MAP7: variants seen among roughly 807,000 people sequenced by gnomAD.
MAP7 encodes microtubule associated protein 7, also known as ensconsin.
In MAP7, 52 loss-of-function variants were observed where a neutral mutation model predicts 94.8. The ratio of observed to expected loss-of-function variants is 0.55; its 90% CI spans 0.44 to 0.69. The LOEUF (loss-of-function observed/expected upper bound fraction) is 0.69. MAP7 is among the 30% of genes least tolerant of loss of function. The probability of loss-of-function intolerance (pLI) is 0.00; values close to 1 mark genes in which losing one functional copy is unlikely to be tolerated. For synonymous variants in MAP7, 350 were observed against 357.0 expected, an observed-to-expected ratio of 0.98 and a Z score of 0.22; for missense variants, 940 against 964.6, an observed-to-expected ratio of 0.97 and a Z score of 0.34.
chr6:136,468,172 C>T (rs1807745635), intron 1 of MAP7, among the ~76,000 whole-genome samples: 1 of 152,158 alleles, frequency 6.6e-6, no homozygotes, highest in Non-Finnish European at 1.5e-5. Flanking sequence ...GTGCATGGCT[C>T]CTTACCTTGG....
chr6:136,398,381 G>C (rs764816818), intron 3 of MAP7, among the ~76,000 whole-genome samples: 20 of 152,192 alleles, frequency 1.3e-4, no homozygotes, highest in Non-Finnish European at 2.6e-4. Context: ...ACATTGCAGG[G>C]ATTCAATAAA....
chr6:136,521,223 G>A (rs1826319537), intron 1 of MAP7, among the ~76,000 whole-genome samples: 1 of 152,126 alleles, frequency 6.6e-6, no homozygotes, highest in African/African-American at 2.4e-5. Context: ...ACACCTGCAG[G>A]GGACAAATAA....
At chr6:136,423,870 A>T (rs1792293157) in intron 1 of MAP7, among the ~76,000 whole-genome samples, 1 of 150,980 alleles carries the variant, frequency 6.6e-6, no homozygotes, top group East Asian at 1.9e-4. Flanking sequence ...ATCTTGGCTC[A>T]CCGGCAACCC....
intron 3 of MAP7, 92 bp downstream of exon 3, chr6:136,411,528 C>T: frequency 9.6e-7 from 1 of 1,040,796 alleles, no homozygotes; most frequent in South Asian, 1.5e-5. Flanking sequence ...GCCTCATAGT[C>T]CATCTGTAAA....
intron 1 of MAP7, among the ~76,000 whole-genome samples, chr6:136,468,228 C>T (rs557494632): frequency 1.4e-4 from 22 of 152,198 alleles, no homozygotes; most frequent in South Asian, 2.1e-4. Flanking sequence ...TGGTACTGAT[C>T]CTGACATTAT....
At chr6:136,462,005 G>A (rs543548842) in intron 1 of MAP7, among the ~76,000 whole-genome samples, 1 of 151,964 alleles carries the variant, frequency 6.6e-6, no homozygotes, top group South Asian at 2.1e-4. Flanking sequence ...TCACCTTAAG[G>A]CTCTGATTAA....
intron 1 of MAP7, among the ~76,000 whole-genome samples, chr6:136,532,893 A>G (rs980243542): frequency 1.3e-5 from 2 of 152,196 alleles, no homozygotes; most frequent in Admixed American, 1.3e-4. Flanking sequence ...AAACAACTGA[A>G]CCTTCTCCAG....
chr6:136,505,459 T>C (rs1821250175), intron 1 of MAP7, among the ~76,000 whole-genome samples: 1 of 151,560 alleles, frequency 6.6e-6, no homozygotes, highest in Non-Finnish European at 1.5e-5. Flanking sequence ...AAAAGTACTG[T>C]TTGCCTCACA....
intron 3 of MAP7, among the ~76,000 whole-genome samples, chr6:136,394,587 ATCT>A (rs1406305440): frequency 6.6e-6 from 1 of 151,892 alleles, no homozygotes; most frequent in African/African-American, 2.4e-5. Flanking sequence ...AACATTTCAA[ATCT>A]TCTCTTATAG....
chr6:136,461,414 T>C (rs367671257), intron 1 of MAP7, among the ~76,000 whole-genome samples: 6 of 152,234 alleles, frequency 3.9e-5, no homozygotes, highest in East Asian at 1.9e-4. Context: ...TAAAACATTA[T>C]ATAAAAATGT....
intron 16 of MAP7, among the ~76,000 whole-genome samples, chr6:136,351,051 G>A (rs187094081): frequency 7.9e-5 from 12 of 152,022 alleles, no homozygotes; most frequent in Non-Finnish European, 1.3e-4. Context: ...ATAGCCCCTC[G>A]AGAAAACAGG....
intron 1 of MAP7, among the ~76,000 whole-genome samples, chr6:136,549,658 A>T (rs2129064384): frequency 6.6e-6 from 1 of 152,312 alleles, no homozygotes; most frequent in East Asian, 1.9e-4. Context: ...GGGCTCCTGC[A>T]CAGACTAAAA....
At chr6:136,414,169 C>T (rs1485990733) in intron 2 of MAP7, among the ~76,000 whole-genome samples, 11 of 136,530 alleles carry the variant, frequency 8.1e-5, no homozygotes, top group African/African-American at 3.0e-4. Context: ...AGGAGAATGG[C>T]GTGAACCCGG....
intron 1 of MAP7, among the ~76,000 whole-genome samples, chr6:136,456,849 G>A (rs7740513): frequency 0.22 from 15,055 of 69,144 alleles, 3,436 homozygotes; most frequent in South Asian, 0.46. Context: ...AAGAAGAAGA[G>A]GAAGAAGAAG....
chr6:136,366,481 G>C (rs757004839), intron 8 of MAP7, 42 bp from the exon 9 acceptor site: 2 of 1,345,420 alleles, frequency 1.5e-6, no homozygotes, highest in South Asian at 2.3e-5. Flanking sequence ...TTCCACAAGC[G>C]AGGCAAACAC....
At chr6:136,546,777 C>T (rs144305451) in intron 1 of MAP7, among the ~76,000 whole-genome samples, 2 of 152,242 alleles carry the variant, frequency 1.3e-5, no homozygotes, top group African/African-American at 4.8e-5. Context: ...CAATACGAGG[C>T]CCGAGTTTTT....
At chr6:136,515,684 G>T (rs770090949) in intron 1 of MAP7, among the ~76,000 whole-genome samples, 1 of 152,164 alleles carries the variant, frequency 6.6e-6, no homozygotes, top group Admixed American at 6.5e-5. Flanking sequence ...CACAATATTT[G>T]TTAAGTTTGC....
chr6:136,533,241 C>T (rs930261791), intron 1 of MAP7, among the ~76,000 whole-genome samples: 1 of 152,182 alleles, frequency 6.6e-6, no homozygotes, highest in Non-Finnish European at 1.5e-5. Context: ...CATTGCACTC[C>T]AGCCTGGGCA....
chr6:136,423,580 T>G (rs1202717423), intron 1 of MAP7, among the ~76,000 whole-genome samples: 2 of 152,110 alleles, frequency 1.3e-5, no homozygotes, highest in African/African-American at 4.8e-5. Context: ...CCTGGTGCTC[T>G]CAGGTAGGAT....
Sources: allele counts gnomAD v4.1 joint callset (sites outside exome capture counted in the v4.1 genomes callset), GRCh38; gene constraint gnomAD v4.1.1; transcripts MANE v1.5; gene names NCBI Gene and HGNC (gene_info 2026-07-23, HGNC 2026-07-21).